Variants in MAP9 observed in about 807,000 individuals in gnomAD.
MAP9 encodes microtubule-associated protein 9.
A neutral mutation model predicts 75.2 loss-of-function variants in MAP9; 80 were observed. The ratio of observed to expected loss-of-function variants is 1.06; its 90% CI spans 0.89 to 1.28. The LOEUF (loss-of-function observed/expected upper bound fraction) is 1.28, where lower values mean the gene tolerates loss of function less well. MAP9 is among the 50% of genes most tolerant of loss of function. The pLI is 0.00. For synonymous variants in MAP9, 235 were observed against 237.3 expected, an observed-to-expected ratio of 0.99 and a Z score of 0.09; for missense variants, 753 against 719.9, an observed-to-expected ratio of 1.05 and a Z score of -0.53.
At chr4:155,350,296 ATGTT>A in intron 13 of MAP9, 8 of 447,202 alleles carry the variant, frequency 1.8e-5, no homozygotes, top group Non-Finnish European at 2.2e-5. Flanking sequence ...TGTAACATGT[ATGTT>A]TATGTGTTTA....
chr4:155,357,996 C>T (rs1282892145), intron 7 of MAP9, among the ~76,000 whole-genome samples: 1 of 152,058 alleles, frequency 6.6e-6, no homozygotes, highest in Admixed American at 6.6e-5. Flanking sequence ...CGGAGGAAGA[C>T]GTGGTCAGGG....
In MAP9 at chr4:155,343,207, TC is replaced by T. The variant is rs1420931905; in HGVS notation, c.*4575del. ...TTGTATTTTATATATATTATGTACATCATTATATATATATGCATACATATTT... is the reference window on the plus strand; with the variant it reads ...TTGTATTTTATATATATTATGTACATATTATATATATATGCATACATATTT... On this transcript the variant is annotated 3_prime_UTR_variant, in exon 14 of 14. Transcript: ENST00000311277. The T allele has an allele frequency of 9.9e-5, 2 of 20,222 alleles. No individual in the cohort carries two copies. The highest frequency in any genetic ancestry group is 3.8e-3 in the African/African-American group (2 of 528). 1.3% of individuals were successfully genotyped at this position (20,222 alleles called of 1,614,324 possible). A position where few individuals can be genotyped will look rare whatever the true frequency, so the allele number is the denominator to read the frequency against.
At chr4:155,358,071 CAACA>C (rs1731887019) in intron 7 of MAP9, among the ~76,000 whole-genome samples, 1 of 152,032 alleles carries the variant, frequency 6.6e-6, no homozygotes, top group African/African-American at 2.4e-5. Context: ...GATGAGAAAC[CAACA>C]AAAAGACTTT....
chr4:155,366,596 G>T (rs1649735142), intron 5 of MAP9, among the ~76,000 whole-genome samples: 1 of 152,034 alleles, frequency 6.6e-6, no homozygotes, highest in African/African-American at 2.4e-5. Context: ...TAGCACGAAA[G>T]ACACAAAACA....
At chr4:155,375,067 T>C in intron 2 of MAP9, 46 bp from the exon 3 acceptor site, 1 of 1,355,772 alleles carries the variant, frequency 7.4e-7, no homozygotes, top group Non-Finnish European at 1.0e-6. Context: ...CATGGAGGTA[T>C]CATATTCACA....
At chr4:155,355,991 T>C (rs1731765802) in intron 8 of MAP9, 107 bp from the exon 9 acceptor site, 3 of 972,836 alleles carry the variant, frequency 3.1e-6, no homozygotes, top group African/African-American at 3.3e-5. Flanking sequence ...CCAGGCATGA[T>C]GGCTCACACC....
chr4:155,367,486 T>C (rs1033230679), intron 5 of MAP9: 2 of 152,236 alleles, frequency 1.3e-5, no homozygotes, highest in Non-Finnish European at 2.9e-5. Context: ...ACTAAGAGAA[T>C]ACATTTCTGT....
At chr4:155,350,352 A>T (rs1319318711) in intron 13 of MAP9, 1 of 339,506 alleles carries the variant, frequency 2.9e-6, no homozygotes, top group African/African-American at 2.3e-5. Flanking sequence ...GATATCAAAC[A>T]TGTTATTTTG....
chr4:155,343,473 T>C lies in MAP9; in HGVS notation c.*4310A>G, dbSNP rs1222325806. The C allele has an allele frequency of 6.6e-6, 1 of 151,424 alleles. No homozygotes were observed. The highest frequency in any genetic ancestry group is 1.5e-5 in the Non-Finnish European group (1 of 67,724). The allele number at this position is 151,424 out of a possible 1,614,324, so 9.4% of individuals were successfully genotyped here. A position where few individuals can be genotyped will look rare whatever the true frequency, so the allele number is the denominator to read the frequency against. ...TTCTAATTATTTAATAATTATATAA[T>C]TATATTATCTCTCTCTGTAATTTGT... is the stretch of plus-strand genomic sequence containing the variant. On this transcript the variant is annotated 3_prime_UTR_variant, in exon 14 of 14. Coordinates refer to ENST00000311277, the MANE Select transcript of MAP9 (RefSeq NM_001039580.2).
At chr4:155,351,531 C>G (rs1366669988) in intron 13 of MAP9, among the ~76,000 whole-genome samples, 3 of 149,176 alleles carry the variant, frequency 2.0e-5, no homozygotes, top group African/African-American at 7.4e-5. Flanking sequence ...GCCGGGAAAC[C>G]AACAATATAG....
Position 155,373,309 on chromosome 4 carries a change from T to C in MAP9, c.308A>G (p.Lys103Arg), listed in dbSNP as rs1240196976. Residue 103 changes from lysine to arginine, a missense_variant, in exon 4 of 14, where the codon AAA becomes AGA. Physicochemically the swap from Lys to Arg is conservative, Grantham distance 26 (BLOSUM62 2). Transcript: ENST00000311277. Reference sequence around the variant, plus strand: ...TTTGATGGCACACACTGGCTCATCTTTGGTTATGTTACCGTTTGATTTATT... The same window carrying C: ...TTTGATGGCACACACTGGCTCATCTCTGGTTATGTTACCGTTTGATTTATT... ...KTNKSNGNIT[K>R]DEPVCAIKNE... The C allele has an allele frequency of 6.2e-7, 1 of 1,613,868 alleles. No homozygotes were observed. Among genetic ancestry groups the C allele is most frequent in the Non-Finnish European group, 8.5e-7 (1 of 1,179,964 alleles).
At chr4:155,349,397 A>G in intron 13 of MAP9, 1 of 31,514 alleles carries the variant, frequency 3.2e-5, no homozygotes, top group Admixed American at 3.1e-4. Flanking sequence ...GAAAACCCTT[A>G]GTGAAACCTG....
intron 8 of MAP9, among the ~76,000 whole-genome samples, chr4:155,356,902 T>C (rs570059790): frequency 2.6e-5 from 4 of 152,220 alleles, no homozygotes; most frequent in African/African-American, 7.2e-5. Flanking sequence ...TTAGCACTTA[T>C]GAGTTAGGCA....
intron 7 of MAP9, among the ~76,000 whole-genome samples, 169 bp downstream of exon 7, chr4:155,359,993 CTTAAAG>C (rs1731994824): frequency 2.0e-5 from 3 of 151,944 alleles, no homozygotes; most frequent in Admixed American, 2.0e-4. Context: ...ACAAACTTTC[CTTAAAG>C]TTAAATTTTA....
At chr4:155,351,723 G>T (rs1457264300) in intron 13 of MAP9, among the ~76,000 whole-genome samples, 1 of 151,820 alleles carries the variant, frequency 6.6e-6, no homozygotes, top group Non-Finnish European at 1.5e-5. Context: ...CAAATGAAAA[G>T]ATATTCAAGC....
intron 5 of MAP9, 53 bp downstream of exon 5, chr4:155,368,533 T>C: frequency 1.4e-6 from 2 of 1,399,840 alleles, no homozygotes; most frequent in South Asian, 1.2e-5. Flanking sequence ...CATAATCAGA[T>C]AAAAAAGCAT....
At chr4:155,361,178 A>G (rs974182885) in intron 6 of MAP9, 2 of 151,926 alleles carry the variant, frequency 1.3e-5, no homozygotes, top group Non-Finnish European at 2.9e-5. Context: ...CATTATGACC[A>G]TTTTTTTGGA....
intron 2 of MAP9, among the ~76,000 whole-genome samples, chr4:155,375,302 C>G (rs1471597838): frequency 6.6e-6 from 1 of 152,010 alleles, no homozygotes; most frequent in Non-Finnish European, 1.5e-5. Flanking sequence ...ATAATTAGAG[C>G]TGGAGGGTAA....
chr4:155,360,065 T>C (rs1319514593), intron 7 of MAP9, 103 bp downstream of exon 7: 1 of 1,054,342 alleles, frequency 9.5e-7, no homozygotes, highest in Non-Finnish European at 1.4e-6. Flanking sequence ...AGATAAATTT[T>C]CCACTGGTAA....
Sources: allele counts gnomAD v4.1 joint callset (sites outside exome capture counted in the v4.1 genomes callset), GRCh38; gene constraint gnomAD v4.1.1; transcripts MANE v1.5; gene names NCBI Gene and HGNC (gene_info 2026-07-23, HGNC 2026-07-21).